CCDC7: variants seen among roughly 807,000 people sequenced by gnomAD.
The protein encoded by CCDC7 is coiled-coil domain-containing protein 7.
A neutral mutation model predicts 196.9 loss-of-function variants in CCDC7; 183 were observed. That is an observed-to-expected ratio of 0.93 (90% CI 0.82 to 1.05). CCDC7 has a LOEUF of 1.05. CCDC7 is among the 50% of genes least tolerant of loss of function. CCDC7 has a pLI of 0.00. For synonymous variants in CCDC7, 525 were observed against 484.6 expected (o/e 1.08, Z -1.10); for missense variants, 1,540 against 1,482.2 (o/e 1.04, Z -0.64).
At chr10:32,714,516 TA>T in intron 25 of CCDC7, among the ~76,000 whole-genome samples, 1 of 152,306 alleles carries the variant, frequency 6.6e-6, no homozygotes, top group South Asian at 2.1e-4. Context: ...GTTTTTTTCA[TA>T]ACCCAGTGGC....
intron 28 of CCDC7, among the ~76,000 whole-genome samples, chr10:32,775,505 G>A (rs2079866847): frequency 1.3e-5 from 2 of 151,924 alleles, no homozygotes; most frequent in African/African-American, 4.8e-5. Flanking sequence ...TCTGTTTTTA[G>A]AAAAAAACCG....
In CCDC7 at chr10:32,694,933, C is replaced by CA; in HGVS notation, c.2403dup (p.Leu802ThrfsTer6). 6.2e-7 allele frequency: 1 copy of CA among 1,605,786 alleles called. No homozygotes were observed. Among genetic ancestry groups the CA allele is most frequent in the Non-Finnish European group, 8.5e-7 (1 of 1,175,710 alleles). ...GTGCTTGAACATCAAGATTCAGTGT[C>CA]AAAACTGGAAATGCAAATTGAAAAA... On this transcript the variant is annotated frameshift_variant, in exon 24 of 42. Coordinates refer to ENST00000639629, the Ensembl canonical transcript of CCDC7. LOFTEE classifies it high-confidence loss of function.
chr10:32,708,934 C>G (rs531446719), intron 24 of CCDC7, among the ~76,000 whole-genome samples: 1 of 152,172 alleles, frequency 6.6e-6, no homozygotes, highest in Non-Finnish European at 1.5e-5. Context: ...GCATCTAGAA[C>G]TAGAAATACC....
At chr10:32,825,767 A>G (rs945594496) in intron 32 of CCDC7, among the ~76,000 whole-genome samples, 3 of 152,296 alleles carry the variant, frequency 2.0e-5, no homozygotes, top group Admixed American at 2.0e-4. Context: ...GTGGAAAAAC[A>G]TACACAAGCT....
chr10:32,459,506 G>C (rs1380394130), intron 3 of CCDC7, among the ~76,000 whole-genome samples: 1 of 152,100 alleles, frequency 6.6e-6, no homozygotes, highest in African/African-American at 2.4e-5. Flanking sequence ...GCAAGACCGA[G>C]TTAAAATACC....
intron 5 of CCDC7, among the ~76,000 whole-genome samples, chr10:32,465,170 G>A (rs890801799): frequency 6.6e-6 from 1 of 151,538 alleles, no homozygotes; most frequent in Non-Finnish European, 1.5e-5. Flanking sequence ...GATTAATCTG[G>A]GCACTCTTTC....
At chr10:32,524,221 T>C (rs2048331366) in intron 11 of CCDC7, among the ~76,000 whole-genome samples, 1 of 152,184 alleles carries the variant, frequency 6.6e-6, no homozygotes, top group Non-Finnish European at 1.5e-5. Context: ...TTTAAACTAA[T>C]GACAACTTAA....
intron 4 of CCDC7, 105 bp downstream of exon 5, chr10:32,462,808 A>G (rs2036005213): frequency 7.9e-7 from 1 of 1,271,814 alleles, no homozygotes; most frequent in South Asian, 1.6e-5. Flanking sequence ...GGAATTCCAT[A>G]CTTGCTGCTC....
At chr10:32,509,741 T>C (rs940692967) in intron 9 of CCDC7, among the ~76,000 whole-genome samples, 1 of 152,160 alleles carries the variant, frequency 6.6e-6, no homozygotes, top group Non-Finnish European at 1.5e-5. Flanking sequence ...TGAATAGATA[T>C]TTTTCCAAAG....
At chr10:32,528,568 G>A (rs2049032662) in intron 11 of CCDC7, among the ~76,000 whole-genome samples, 2 of 151,574 alleles carry the variant, frequency 1.3e-5, no homozygotes, top group South Asian at 4.2e-4. Context: ...CCAGGTTGCT[G>A]TGAATGACAT....
At chr10:32,619,910 CTTTTTTTTTTTTTTT>C (rs56089046) in intron 18 of CCDC7, among the ~76,000 whole-genome samples, 3 of 79,260 alleles carry the variant, frequency 3.8e-5, no homozygotes, top group Admixed American at 1.5e-4. Flanking sequence ...TTCAATGTAC[CTTTTTTTTTTTTTTT>C]TTTTTTTTTT....
At chr10:32,471,022 A>C in intron 5 of CCDC7, 42 bp from the exon 7 acceptor site, 2 of 1,498,024 alleles carry the variant, frequency 1.3e-6, no homozygotes, top group Non-Finnish European at 1.8e-6. Flanking sequence ...ATGGGAACAA[A>C]ATGGGTATTT....
intron 9 of CCDC7, among the ~76,000 whole-genome samples, chr10:32,509,337 A>G (rs1249932666): frequency 6.6e-6 from 1 of 152,172 alleles, no homozygotes; most frequent in Non-Finnish European, 1.5e-5. Flanking sequence ...TGATACTGGG[A>G]AAAGTGGATC....
chr10:32,595,892 T>A (rs138703814), intron 18 of CCDC7, among the ~76,000 whole-genome samples: 16 of 152,306 alleles, frequency 1.1e-4, no homozygotes, highest in Middle Eastern at 6.8e-3. Flanking sequence ...TTTTGGTTGC[T>A]CTGTGGTCTG....
intron 3 of CCDC7, among the ~76,000 whole-genome samples, chr10:32,460,964 A>C (rs2035504266): frequency 6.6e-6 from 1 of 152,106 alleles, no homozygotes; most frequent in South Asian, 2.1e-4. Context: ...GCGGAAGATA[A>C]ATTTAATTTA....
At chr10:32,525,209 T>C (rs11008961) in intron 11 of CCDC7, among the ~76,000 whole-genome samples, 72,651 of 151,292 alleles carry the variant, frequency 0.48, 17,882 homozygotes, top group East Asian at 0.58. Context: ...CAAACCTGCA[T>C]GTTGTGCACA....
Position 32,746,922 on chromosome 10 carries a change from C to G in CCDC7, c.2905+17465C>G, listed in dbSNP as rs1180617986. On this transcript the variant is annotated intron_variant, in intron 28 of 41. Transcript: ENST00000639629. ...TGCTGGCATGCATCTGCAGACAGCACTACGCTGCTGCCTTGTCACAGCCAG... is the reference window on the plus strand; with the variant it reads ...TGCTGGCATGCATCTGCAGACAGCAGTACGCTGCTGCCTTGTCACAGCCAG... Among the ~76,000 whole-genome samples the G allele has an allele frequency of 2.0e-5, 3 of 152,252 alleles. No individual in the cohort carries two copies. In the East Asian group the frequency reaches 5.8e-4, roughly 29 times the overall value.
chr10:32,488,987 T>C lies in CCDC7; in HGVS notation c.797-2935T>C, dbSNP rs148064638. On this transcript the variant is annotated intron_variant, in intron 8 of 41. Coordinates refer to ENST00000639629, the Ensembl canonical transcript of CCDC7. The stretch of plus-strand genomic sequence containing the variant: ...GATATGGGTAAAAATTTCAGTGGTG[T>C]ACAGTGGCCAAGGCTGTAGGTATCT... Among the ~76,000 whole-genome samples, 32 of 152,274 alleles carry C rather than the reference T, an allele frequency of 2.1e-4. No homozygotes were observed. The East Asian group carries it at 4.8e-3, about 23-fold the overall frequency.
At chr10:32,646,435 G>T (rs1374491983) in intron 20 of CCDC7, among the ~76,000 whole-genome samples, 1 of 151,744 alleles carries the variant, frequency 6.6e-6, no homozygotes, top group Admixed American at 6.6e-5. Flanking sequence ...AACTTGTTTT[G>T]TCGCCTAATA....
Sources: allele counts gnomAD v4.1 joint callset (sites outside exome capture counted in the v4.1 genomes callset), GRCh38; gene constraint gnomAD v4.1.1; transcripts MANE v1.5; gene names NCBI Gene and HGNC (gene_info 2026-07-23, HGNC 2026-07-21).